Variants in KLRD1 observed in about 807,000 individuals in gnomAD.
KLRD1 encodes natural killer cells antigen CD94.
In KLRD1, 21 loss-of-function variants were observed where a neutral mutation model predicts 22.6. That is an observed-to-expected ratio of 0.93 (90% confidence interval 0.66 to 1.34). The LOEUF (loss-of-function observed/expected upper bound fraction) is 1.34, where lower values mean the gene tolerates loss of function less well. Ranked by LOEUF, KLRD1 falls within the 40% of genes most tolerant of loss-of-function variation. The probability of loss-of-function intolerance (pLI) is 0.00; values close to 1 mark genes in which losing one functional copy is unlikely to be tolerated. For synonymous variants in KLRD1, 59 were observed against 71.1 expected, an observed-to-expected ratio of 0.83 and a Z score of 0.85; for missense variants, 183 against 208.6, an observed-to-expected ratio of 0.88 and a Z score of 0.76.
At chr12:10,289,297 T>C (rs1949742522) in intron 1 of KLRD1, among the ~76,000 whole-genome samples, 1 of 152,220 alleles carries the variant, frequency 6.6e-6, no homozygotes, top group Non-Finnish European at 1.5e-5. Context: ...AGCTCTTTCA[T>C]GAGGTTCTTA....
At position 10,248,653 on chromosome 12, in the gene KLRD1, A is replaced by G. The variant is rs1195931254; in HGVS notation, c.-101+22420A>G. ...CTCTCTGTTGCCCAGGCTGGAGTGC[A>G]ATGGCGTGATCTCGGCTCACTGCAA... On this transcript the variant is annotated intron_variant, in intron 1 of 5. Coordinates refer to the KLRD1 transcript ENST00000544747. Among the ~76,000 whole-genome samples the G allele has an allele frequency of 3.5e-5, 5 of 142,074 alleles. No homozygotes were observed. In the Admixed American group the frequency reaches 3.7e-4, roughly 10 times the overall value. The allele number at this position is 142,074 out of a possible 152,430, so 93.2% of individuals were successfully genotyped here.
At chr12:10,266,034 G>A (rs186319527) in intron 1 of KLRD1, among the ~76,000 whole-genome samples, 9 of 152,094 alleles carry the variant, frequency 5.9e-5, no homozygotes, top group Non-Finnish European at 1.2e-4. Context: ...TATATTTTTT[G>A]ACCGTTTTCA....
chr12:10,271,097 G>GTT (rs71049082), intron 1 of KLRD1, among the ~76,000 whole-genome samples: 24,783 of 145,640 alleles, frequency 0.17, 2,532 homozygotes, highest in Non-Finnish European at 0.24. Context: ...CTCCCTAATT[G>GTT]TTTTTTTTTT....
intron 3 of KLRD1, among the ~76,000 whole-genome samples, chr12:10,310,551 G>A (rs1950038872): frequency 6.6e-6 from 1 of 152,292 alleles, no homozygotes; most frequent in African/African-American, 2.4e-5. Flanking sequence ...TGTAATCCCA[G>A]CTCTTTGGGA....
At chr12:10,265,871 T>C (rs12828540) in intron 1 of KLRD1, among the ~76,000 whole-genome samples, 10,280 of 152,298 alleles carry the variant, frequency 0.067, 406 homozygotes, top group East Asian at 0.17. Flanking sequence ...AATTTCCTTT[T>C]TCAATTATTT....
rs1381256087 is a variant in KLRD1, at chr12:10,321,494, T to TA, written c.*6702dup. ...GATTAGACTCTTGTAAACAGCTTCC[T>TA]ATATGCTCCCAATGATCCCTGTTTC... On this transcript the variant is annotated 3_prime_UTR_variant, in exon 6 of 6. Coordinates refer to ENST00000336164, the MANE Select transcript of KLRD1 (RefSeq NM_002262.5). The TA allele has an allele frequency of 1.3e-5, 2 of 152,230 alleles. No homozygotes were observed. The highest frequency in any genetic ancestry group is 2.4e-5 in the African/African-American group (1 of 41,462). 9.4% of individuals were successfully genotyped at this position (152,230 alleles called of 1,614,324 possible). A position where few individuals can be genotyped will look rare whatever the true frequency, so the allele number is the denominator to read the frequency against.
intron 1 of KLRD1, among the ~76,000 whole-genome samples, chr12:10,265,857 G>A (rs1592040056): frequency 6.6e-6 from 1 of 152,182 alleles, no homozygotes; most frequent in South Asian, 2.1e-4. Context: ...CATTTATGGA[G>A]CATAATTTCC....
rs1300901743 is a variant in KLRD1, at chr12:10,319,297, T to C, written c.*4504T>C. 1 of 152,228 alleles carries C rather than the reference T, an allele frequency of 6.6e-6. No homozygotes were observed. Among genetic ancestry groups the C allele is most frequent in the Non-Finnish European group, 1.5e-5 (1 of 68,042 alleles). The allele number at this position is 152,228 out of a possible 1,614,324, so 9.4% of individuals were successfully genotyped here. ...CAGTTGTAAATGTACTTACAAATTT[T>C]GCTATATGAAAACAGTTATGTCTGT... On this transcript the variant is annotated 3_prime_UTR_variant, in exon 6 of 6. Coordinates refer to ENST00000336164, the MANE Select transcript of KLRD1 (RefSeq NM_002262.5).
Position 10,296,384 on chromosome 12 carries a change from C to T in KLRD1, c.-100-11594C>T, listed in dbSNP as rs1280000335. Among the ~76,000 whole-genome samples the T allele has an allele frequency of 5.9e-5, 9 of 151,972 alleles. No individual in the cohort carries two copies. The South Asian group carries it at 1.5e-3, about 25-fold the overall frequency. On this transcript the variant is annotated intron_variant, in intron 1 of 5. Coordinates refer to the KLRD1 transcript ENST00000544747. ...ACAAAAAATTAGCCGGGCGTGGTGGCGGACACCTGTAATCCCAGCTACTCG... is the reference window on the plus strand; with the variant it reads ...ACAAAAAATTAGCCGGGCGTGGTGGTGGACACCTGTAATCCCAGCTACTCG...
At chr12:10,306,847 AG>A (rs138154540), upstream of KLRD1, among the ~76,000 whole-genome samples, 3,253 of 152,288 alleles carry the variant, frequency 0.021, 106 homozygotes, top group African/African-American at 0.073. Flanking sequence ...GAGAAGTCAA[AG>A]TAGTCTTTTC....
Position 10,328,115 on chromosome 12 carries a change from T to C in KLRD1, c.*13322T>C, listed in dbSNP as rs1950377408. On this transcript the variant is annotated 3_prime_UTR_variant, in exon 6 of 6. Transcript: ENST00000336164. ...TACGTTTACTAGACATATTGGCTTA[T>C]AGTTTTCTTGTGGTATCTTTGACAA... 6.6e-6 allele frequency: 1 copy of C among 152,196 alleles called. No homozygotes were observed. Among genetic ancestry groups the C allele is most frequent in the Non-Finnish European group, 1.5e-5 (1 of 68,018 alleles). 9.4% of individuals were successfully genotyped at this position (152,196 alleles called of 1,614,324 possible).
chr12:10,247,945 T>C (rs905450576), intron 1 of KLRD1, among the ~76,000 whole-genome samples: 13 of 152,190 alleles, frequency 8.5e-5, no homozygotes, highest in African/African-American at 2.9e-4. Context: ...TATGTCCCTA[T>C]AGCAGCATGA....
chr12:10,275,206 T>C, intron 1 of KLRD1, among the ~76,000 whole-genome samples: 1 of 152,180 alleles, frequency 6.6e-6, no homozygotes, highest in Non-Finnish European at 1.5e-5. Flanking sequence ...TTGTATCTTC[T>C]GTCTTTTTTG....
intron 1 of KLRD1, among the ~76,000 whole-genome samples, chr12:10,239,499 TC>T (rs1482614615): frequency 1.7e-5 from 2 of 120,412 alleles, no homozygotes; most frequent in Non-Finnish European, 3.7e-5. Context: ...CTTCCTTCCT[TC>T]CTTCCCTCCT....
At position 10,324,830 on chromosome 12, in the gene KLRD1, A is replaced by G. The variant is rs1170408947; in HGVS notation, c.*10037A>G. 2.6e-4 allele frequency: 37 copies of G among 140,332 alleles called. 1 individual carries two copies. The highest frequency in any genetic ancestry group is 8.6e-4 in the African/African-American group (34 of 39,458). The allele number at this position is 140,332 out of a possible 1,614,324, so 8.7% of individuals were successfully genotyped here. A position where few individuals can be genotyped will look rare whatever the true frequency, so the allele number is the denominator to read the frequency against. The stretch of plus-strand genomic sequence containing the variant: ...TATGTGTGTGTGTGTATATATATAT[A>G]TATATATATATATTCATTTACACAG... On this transcript the variant is annotated 3_prime_UTR_variant, in exon 6 of 6. Coordinates refer to ENST00000336164, the MANE Select transcript of KLRD1 (RefSeq NM_002262.5).
intron 1 of KLRD1, among the ~76,000 whole-genome samples, chr12:10,293,173 T>TAC (rs1949792353): frequency 5.8e-5 from 1 of 17,378 alleles, no homozygotes; most frequent in African/African-American, 1.4e-4. Flanking sequence ...TATATACACA[T>TAC]ATACACATAA....
At position 10,321,797 on chromosome 12, in the gene KLRD1, C is replaced by G; in HGVS notation, c.*7004C>G. 1 of 152,284 alleles carries G rather than the reference C, an allele frequency of 6.6e-6. No homozygotes were observed. Among genetic ancestry groups the G allele is most frequent in the Middle Eastern group, 3.4e-3 (1 of 298 alleles). 9.4% of individuals were successfully genotyped at this position (152,284 alleles called of 1,614,324 possible). A position where few individuals can be genotyped will look rare whatever the true frequency, so the allele number is the denominator to read the frequency against. ...GCCATCTTGTAGACAGCCTTGTGCACGAGCCTCCTTGGTTCAACTCTTCAG... is the reference window on the plus strand; with the variant it reads ...GCCATCTTGTAGACAGCCTTGTGCAGGAGCCTCCTTGGTTCAACTCTTCAG... On this transcript the variant is annotated 3_prime_UTR_variant, in exon 6 of 6. Transcript: ENST00000336164.
upstream of KLRD1, among the ~76,000 whole-genome samples, chr12:10,305,898 C>G (rs1223888265): frequency 6.6e-6 from 1 of 152,086 alleles, no homozygotes; most frequent in Non-Finnish European, 1.5e-5. Context: ...CACGGTGGCT[C>G]ACGCCTGTAA....
chr12:10,309,811 A>T, intron 3 of KLRD1, 123 bp downstream of exon 3: 1 of 680,600 alleles, frequency 1.5e-6, no homozygotes, highest in Non-Finnish European at 2.6e-6. Flanking sequence ...CTACCAGTGT[A>T]GGATAGTCTC....
Sources: allele counts gnomAD v4.1 joint callset (sites outside exome capture counted in the v4.1 genomes callset), GRCh38; gene constraint gnomAD v4.1.1; transcripts MANE v1.5; gene names NCBI Gene and HGNC (gene_info 2026-07-23, HGNC 2026-07-21).